The following VCAN variants were observed in gnomAD, a reference collection of about 807,000 sequenced individuals.
VCAN encodes versican.
A neutral mutation model predicts 245.5 loss-of-function variants in VCAN; 44 were observed. That is an observed-to-expected ratio of 0.18 (90% confidence interval 0.14 to 0.23). VCAN has a LOEUF of 0.23. Among genes scored for constraint, VCAN ranks in the 10% least tolerant of loss-of-function variants. VCAN has a pLI of 1.00. For missense variants in VCAN, 3,793 were observed against 4,057.9 expected (o/e 0.93, Z 1.77); for synonymous variants, 1,413 against 1,437.0 (o/e 0.98, Z 0.38).
rs77870162 is a variant in VCAN at position 83,540,554 on chromosome 5, C to T, written c.7551C>T (p.Asp2517=). The change falls in exon 8 of 15, where the codon GAC becomes GAT. Residue 2517 remains aspartate (D), a synonymous_variant. Transcript: ENST00000265077. Reference sequence around the variant, plus strand: ...CAGTGTCATATGAGAGGTCCACAGACGGTAGTTTCCAAGACCGTTTCAGGG... The same window carrying T: ...CAGTGTCATATGAGAGGTCCACAGATGGTAGTTTCCAAGACCGTTTCAGGG... The part of the protein sequence containing the change: ...SNTVSYERST[D]GSFQDRFREF... The T allele has an allele frequency of 2.0e-3, 3,304 of 1,613,904 alleles. 10 individuals are homozygous for T. The highest frequency in any genetic ancestry group is 2.3e-3 in the Non-Finnish European group (2,670 of 1,179,936).
chr5:83,537,034 G>A lies in VCAN; in HGVS notation c.4031G>A (p.Gly1344Asp). Reference sequence around the variant, plus strand: ...CGAATGAGTGATTTGAGTGTAATTGGTCATCCAATAGATTCAGAATCTAAA... The same window carrying A: ...CGAATGAGTGATTTGAGTGTAATTGATCATCCAATAGATTCAGAATCTAAA... The part of the protein sequence containing the change: ...TGRMSDLSVI[G>D]HPIDSESKED... The change falls in exon 8 of 15, where the codon GGT becomes GAT. Residue 1344 changes from glycine to aspartate, a missense_variant. Gly to Asp is a moderately conservative substitution (Grantham distance 94). This residue lies in a region of VCAN where 3,182 missense variants were observed against 3,250.3 expected (regional missense o/e 0.98). Coordinates refer to ENST00000265077, the MANE Select transcript of VCAN (RefSeq NM_004385.5). 1 of 1,604,922 alleles carries A rather than the reference G, an allele frequency of 6.2e-7. No homozygotes were observed. The highest frequency in any genetic ancestry group is 1.1e-5 in the South Asian group (1 of 89,208).
At chr5:83,473,606 G>T (rs1271276298) in intron 1 of VCAN, among the ~76,000 whole-genome samples, 1 of 152,186 alleles carries the variant, frequency 6.6e-6, no homozygotes, top group Non-Finnish European at 1.5e-5. Context: ...CTCCAAGGCA[G>T]CAGGGAGGGA....
At chr5:83,546,324 A>G (rs1282068391) in intron 9 of VCAN, among the ~76,000 whole-genome samples, 4 of 152,284 alleles carry the variant, frequency 2.6e-5, no homozygotes, top group Non-Finnish European at 4.4e-5. Flanking sequence ...TGTTGTCCAG[A>G]TGTCCCTTTT....
At chr5:83,508,142 C>G (rs917877697) in intron 5 of VCAN, among the ~76,000 whole-genome samples, 10 of 152,180 alleles carry the variant, frequency 6.6e-5, no homozygotes, top group African/African-American at 2.4e-4. Flanking sequence ...CAGCCTTTGA[C>G]ATAATCCTGG....
At chr5:83,562,238 A>G (rs1005115436) in intron 12 of VCAN, 3 of 152,190 alleles carry the variant, frequency 2.0e-5, no homozygotes, top group African/African-American at 7.2e-5. Context: ...TCTTTAACAC[A>G]TTACTCATGA....
chr5:83,511,607 T>A (rs1184001259), intron 5 of VCAN, among the ~76,000 whole-genome samples: 1 of 152,080 alleles, frequency 6.6e-6, no homozygotes, highest in Non-Finnish European at 1.5e-5. Context: ...TTAATCCACT[T>A]TGTCGGTAGT....
chr5:83,557,358 T>C (rs980497522), intron 12 of VCAN, among the ~76,000 whole-genome samples: 5 of 152,150 alleles, frequency 3.3e-5, no homozygotes, highest in African/African-American at 1.2e-4. Flanking sequence ...AAGTAATTCT[T>C]TCCCCTGCTT....
In VCAN at chr5:83,522,011, C is replaced by T. The variant is rs763064808; in HGVS notation, c.3705C>T (p.Leu1235=). ...PSSAITKKPP[L]IDREPGEETT... is the part of the protein sequence containing the mutation. ...CCGCGATCACTAAGAAACCACCTCT[C>T]ATCGACAGGGAACCTGGTGAAGAAA... is the stretch of plus-strand genomic sequence containing the variant. The change falls in exon 7 of 15, where the codon CTC becomes CTT. Residue 1235 remains leucine, a synonymous_variant. Coordinates refer to ENST00000265077, the MANE Select transcript of VCAN (RefSeq NM_004385.5). 3.7e-6 allele frequency: 6 copies of T among 1,614,182 alleles called. No homozygotes were observed. The highest frequency in any genetic ancestry group is 4.2e-6 in the Non-Finnish European group (5 of 1,180,016).
chr5:83,501,732 A>G (rs1193956634), intron 5 of VCAN, among the ~76,000 whole-genome samples: 2 of 152,144 alleles, frequency 1.3e-5, no homozygotes, highest in Non-Finnish European at 2.9e-5. Context: ...TGAGGCTTCC[A>G]ACTGTGTTCT....
chr5:83,493,584 A>G lies in VCAN; in HGVS notation c.484A>G (p.Thr162Ala). 1 of 1,613,902 alleles carries G rather than the reference A, an allele frequency of 6.2e-7. No individual in the cohort carries two copies. Residue 162 changes from threonine to alanine, a missense_variant, in exon 4 of 15, where the codon ACA becomes GCA. Thr to Ala is a moderately conservative substitution (Grantham distance 58, BLOSUM62 0). This residue lies in a region of VCAN where 190 missense variants were observed against 288.6 expected (regional missense o/e 0.66). Transcript: ENST00000265077. ...FHYRAATSRY[T>A]LNFEAAQKAC... is the part of the protein sequence containing the mutation. ...CTACAGGGCGGCAACCAGCAGGTAC[A>G]CACTGAATTTTGAGGCTGCTCAGAA...
intron 13 of VCAN, among the ~76,000 whole-genome samples, chr5:83,573,497 A>T (rs1293257418): frequency 6.6e-6 from 1 of 152,136 alleles, no homozygotes; most frequent in Non-Finnish European, 1.5e-5. Context: ...CATAATCCTA[A>T]ATGTTGAAAT....
intron 11 of VCAN, among the ~76,000 whole-genome samples, chr5:83,553,951 A>G (rs60406149): frequency 0.021 from 3,218 of 152,298 alleles, 113 homozygotes; most frequent in African/African-American, 0.07. Context: ...TTGAATTGTT[A>G]ATAATAGCAC....
Position 83,540,997 on chromosome 5 carries a change from A to G in VCAN, c.7994A>G (p.His2665Arg), listed in dbSNP as rs1315021286. 2 of 1,614,140 alleles carry G rather than the reference A, an allele frequency of 1.2e-6. No homozygotes were observed. Among genetic ancestry groups the G allele is most frequent in the South Asian group, 2.2e-5 (2 of 91,082 alleles). The part of the protein sequence containing the change: ...MTYEDRSQLD[H>R]MGFHFTTGIP... ...TATGAAGATAGAAGCCAACTAGATC[A>G]CATGGGCTTTCACTTCACAACTGGG... The change falls in exon 8 of 15, where the codon CAC becomes CGC. Residue 2665 changes from histidine (H) to arginine (R), a missense_variant. Transcript: ENST00000265077.
At position 83,538,420 on chromosome 5, in the gene VCAN, C is replaced by T; in HGVS notation, c.5417C>T (p.Thr1806Ile). 1 of 1,614,008 alleles carries T rather than the reference C, an allele frequency of 6.2e-7. No homozygotes were observed. The highest frequency in any genetic ancestry group is 2.2e-5 in the East Asian group (1 of 44,866). ...ACATTAGAAAATTTGGGGGCACAGA[C>T]CACTGAGCACAGCAGTATCCATCAA... ...TNTLENLGAQ[T>I]TEHSSIHQPG... Residue 1806 changes from threonine to isoleucine, a missense_variant, in exon 8 of 15, where the codon ACC becomes ATC. Coordinates refer to ENST00000265077, the MANE Select transcript of VCAN (RefSeq NM_004385.5).
At chr5:83,569,093 C>CA (rs1161875088) in intron 12 of VCAN, among the ~76,000 whole-genome samples, 1 of 152,072 alleles carries the variant, frequency 6.6e-6, no homozygotes, top group Non-Finnish European at 1.5e-5. Flanking sequence ...ATTTATTGAA[C>CA]ATATGTTTAC....
At chr5:83,514,290 C>T (rs748497288) in intron 6 of VCAN, among the ~76,000 whole-genome samples, 6 of 151,330 alleles carry the variant, frequency 4.0e-5, no homozygotes, top group South Asian at 2.1e-4. Context: ...CTACTTAAGA[C>T]GTTATTATAT....
chr5:83,473,683 T>C (rs1744282491), intron 1 of VCAN, among the ~76,000 whole-genome samples: 1 of 152,150 alleles, frequency 6.6e-6, no homozygotes, highest in Admixed American at 6.5e-5. Flanking sequence ...TTGCAGAACC[T>C]AGATGTCTAG....
At chr5:83,527,719 T>A (rs1160757349) in intron 7 of VCAN, among the ~76,000 whole-genome samples, 1 of 151,842 alleles carries the variant, frequency 6.6e-6, no homozygotes, top group Non-Finnish European at 1.5e-5. Context: ...TTTGGGTAGT[T>A]GTACTAACTC....
In VCAN at chr5:83,539,882, C is replaced by T. The variant is rs768863316; in HGVS notation, c.6879C>T (p.Thr2293=). 2 of 1,613,914 alleles carry T rather than the reference C, an allele frequency of 1.2e-6. No homozygotes were observed. Among genetic ancestry groups the T allele is most frequent in the African/African-American group, 1.3e-5 (1 of 74,910 alleles). The change falls in exon 8 of 15, where the codon ACC becomes ACT. Residue 2293 remains threonine (T), a synonymous_variant. Transcript: ENST00000265077. ...CCCACACTTCTCAAGTGGAAAGTAC[C>T]TCAAGTGACAAAATTGAAGACTTTA... is the stretch of plus-strand genomic sequence containing the variant. ...LYPHTSQVES[T]SSDKIEDFNR...
Sources: allele counts gnomAD v4.1 joint callset (sites outside exome capture counted in the v4.1 genomes callset), GRCh38; gene constraint gnomAD v4.1.1; regional missense constraint gnomAD v4.1.1; transcripts MANE v1.5; gene names NCBI Gene and HGNC (gene_info 2026-07-23, HGNC 2026-07-21).